Variants in TMPRSS11F observed in about 807,000 individuals in gnomAD.
The protein encoded by TMPRSS11F is transmembrane serine protease 11F, also known as transmembrane protease serine 11F.
In TMPRSS11F, 47 loss-of-function variants were observed where a neutral mutation model predicts 60.2. The ratio of observed to expected loss-of-function variants is 0.78; its 90% CI spans 0.62 to 1.00. The LOEUF (loss-of-function observed/expected upper bound fraction) is 1.00, where lower values mean the gene tolerates loss of function less well. TMPRSS11F is among the 50% of genes least tolerant of loss of function. The pLI is 0.00. For missense variants in TMPRSS11F, 519 were observed against 522.9 expected (o/e 0.99, Z 0.07); for synonymous variants, 166 against 167.3 (o/e 0.99, Z 0.06).
chr4:68,098,153 A>T (rs1026461850), intron 2 of TMPRSS11F, among the ~76,000 whole-genome samples: 6 of 152,034 alleles, frequency 3.9e-5, no homozygotes, highest in African/African-American at 1.4e-4. Context: ...AAAAATACAA[A>T]AATTAACCGA....
chr4:68,078,964 A>G (rs1723640109), intron 3 of TMPRSS11F, among the ~76,000 whole-genome samples: 1 of 151,708 alleles, frequency 6.6e-6, no homozygotes, highest in Non-Finnish European at 1.5e-5. Context: ...GTCTTATTAT[A>G]TTAGAGTATA....
At chr4:68,106,018 A>T (rs989105023) in intron 1 of TMPRSS11F, among the ~76,000 whole-genome samples, 1 of 152,216 alleles carries the variant, frequency 6.6e-6, no homozygotes, top group East Asian at 1.9e-4. Context: ...ATCCATTAAT[A>T]ATTCTATGTG....
intron 3 of TMPRSS11F, among the ~76,000 whole-genome samples, chr4:68,079,034 A>G (rs997319824): frequency 1.4e-5 from 2 of 147,014 alleles, no homozygotes; most frequent in Non-Finnish European, 3.1e-5. Context: ...TAGTCCCCCA[A>G]TGCATCAACC....
intron 1 of TMPRSS11F, among the ~76,000 whole-genome samples, chr4:68,118,648 A>G (rs1724570830): frequency 6.6e-6 from 1 of 152,200 alleles, no homozygotes; most frequent in African/African-American, 2.4e-5. Context: ...TGCTGGCTGA[A>G]GGTGAAATGG....
At chr4:68,061,185 T>C (rs1204242981) in intron 8 of TMPRSS11F, among the ~76,000 whole-genome samples, 1 of 152,206 alleles carries the variant, frequency 6.6e-6, no homozygotes, top group Non-Finnish European at 1.5e-5. Flanking sequence ...GAAAGTGACT[T>C]GCCATTTACA....
intron 3 of TMPRSS11F, among the ~76,000 whole-genome samples, chr4:68,089,625 A>C (rs1723884116): frequency 6.6e-6 from 1 of 152,172 alleles, no homozygotes; most frequent in African/African-American, 2.4e-5. Context: ...ATAGCCATGG[A>C]AATGGAAATG....
At chr4:68,087,513 T>C (rs1157642081) in intron 3 of TMPRSS11F, among the ~76,000 whole-genome samples, 5 of 151,622 alleles carry the variant, frequency 3.3e-5, no homozygotes, top group African/African-American at 1.2e-4. Context: ...CTACACAGAG[T>C]AATGAGGCAA....
intron 1 of TMPRSS11F, among the ~76,000 whole-genome samples, chr4:68,123,307 A>T (rs994720734): frequency 6.6e-6 from 1 of 152,200 alleles, no homozygotes; most frequent in Non-Finnish European, 1.5e-5. Context: ...CTAAGCAAGA[A>T]TTAGTTGCCC....
At chr4:68,097,624 G>A (rs1196896325) in intron 2 of TMPRSS11F, among the ~76,000 whole-genome samples, 2 of 152,010 alleles carry the variant, frequency 1.3e-5, no homozygotes. Context: ...GCATGGGAAT[G>A]GGGCATTATT....
At chr4:68,104,773 C>T (rs931367037) in intron 1 of TMPRSS11F, among the ~76,000 whole-genome samples, 1 of 152,072 alleles carries the variant, frequency 6.6e-6, no homozygotes, top group Non-Finnish European at 1.5e-5. Flanking sequence ...AATCATGAGG[C>T]TTTTATCTAT....
At chr4:68,115,490 G>C (rs1439805485) in intron 1 of TMPRSS11F, among the ~76,000 whole-genome samples, 1 of 151,954 alleles carries the variant, frequency 6.6e-6, no homozygotes, top group Non-Finnish European at 1.5e-5. Context: ...TCGGAATGGA[G>C]CAAGGATGTC....
chr4:68,081,786 C>T lies in TMPRSS11F; in HGVS notation c.283-7777G>A, dbSNP rs974230493. ...ACAGTTCCACACAAACTCTACCACACGTATGGCTTTCATATGGCTTTTGGG... is the reference window on the plus strand; with the variant it reads ...ACAGTTCCACACAAACTCTACCACATGTATGGCTTTCATATGGCTTTTGGG... On this transcript the variant is annotated intron_variant, in intron 3 of 9. Coordinates refer to ENST00000356291, the MANE Select transcript of TMPRSS11F (RefSeq NM_207407.2). 5.3e-5 allele frequency among the ~76,000 whole-genome samples: 8 copies of T among 152,236 alleles called. No individual in the cohort carries two copies. The East Asian group carries it at 5.8e-4, about 11-fold the overall frequency.
At chr4:68,067,332 C>A (rs1445779616) in intron 7 of TMPRSS11F, among the ~76,000 whole-genome samples, 1 of 152,190 alleles carries the variant, frequency 6.6e-6, no homozygotes, top group South Asian at 2.1e-4. Flanking sequence ...TTATCAAAGT[C>A]ACTAGTAATC....
At chr4:68,077,180 T>A (rs1723602587) in intron 3 of TMPRSS11F, 1 of 152,274 alleles carries the variant, frequency 6.6e-6, no homozygotes, top group Admixed American at 6.5e-5. Context: ...ATGAGCATAC[T>A]GGGATAGCCA....
rs931017540 is a variant in TMPRSS11F at position 68,076,618 on chromosome 4, G to C, written c.283-2609C>G. ...TTATTCTCAAGATGTACACTAAAGA[G>C]AAAAGGTTTTGAAAGACACGCTCAA... On this transcript the variant is annotated intron_variant, in intron 3 of 9. Coordinates refer to ENST00000356291, the MANE Select transcript of TMPRSS11F (RefSeq NM_207407.2). Among the ~76,000 whole-genome samples the C allele has an allele frequency of 1.4e-4, 22 of 152,308 alleles. 1 individual carries two copies. In the East Asian group the frequency reaches 1.5e-3, roughly 11 times the overall value.
intron 2 of TMPRSS11F, among the ~76,000 whole-genome samples, chr4:68,097,947 G>A (rs921564438): frequency 6.6e-6 from 1 of 152,158 alleles, no homozygotes; most frequent in Non-Finnish European, 1.5e-5. Context: ...TCTTTCAAAT[G>A]TGGTTTATTG....
intron 3 of TMPRSS11F, among the ~76,000 whole-genome samples, chr4:68,082,131 T>C (rs1184265978): frequency 6.6e-6 from 1 of 152,122 alleles, no homozygotes; most frequent in East Asian, 1.9e-4. Context: ...GGCAACCCTA[T>C]GTGGTCTTGC....
intron 1 of TMPRSS11F, among the ~76,000 whole-genome samples, chr4:68,111,746 C>A (rs1262530858): frequency 1.3e-5 from 2 of 152,092 alleles, no homozygotes; most frequent in Non-Finnish European, 2.9e-5. Flanking sequence ...TTACCCAATT[C>A]TTTTTAGTAG....
chr4:68,125,698 A>C (rs1016020997), intron 1 of TMPRSS11F, among the ~76,000 whole-genome samples: 1 of 152,140 alleles, frequency 6.6e-6, no homozygotes, highest in African/African-American at 2.4e-5. Flanking sequence ...CCAAAGACAC[A>C]ATATCCTTTT....
Sources: allele counts gnomAD v4.1 joint callset (sites outside exome capture counted in the v4.1 genomes callset), GRCh38; gene constraint gnomAD v4.1.1; transcripts MANE v1.5; gene names NCBI Gene and HGNC (gene_info 2026-07-23, HGNC 2026-07-21).